The following PCYOX1L variants were observed in gnomAD, a reference collection of about 807,000 sequenced individuals.
PCYOX1L encodes the protein prenylcysteine oxidase 1-like.
A neutral mutation model predicts 44.1 loss-of-function variants in PCYOX1L; 40 were observed. The ratio of observed to expected loss-of-function variants is 0.91; its 90% CI spans 0.70 to 1.18. The LOEUF is 1.18. Among genes scored for constraint, PCYOX1L ranks in the 50% most tolerant of loss-of-function variants. PCYOX1L has a pLI of 0.00. For synonymous variants in PCYOX1L, 266 were observed against 282.8 expected, an observed-to-expected ratio of 0.94 and a Z score of 0.60; for missense variants, 605 against 653.3, an observed-to-expected ratio of 0.93 and a Z score of 0.81.
At chr5:149,364,262 T>G (rs1452187904) in intron 3 of PCYOX1L, 52 bp downstream of exon 3, 1 of 1,602,800 alleles carries the variant, frequency 6.2e-7, no homozygotes, top group Non-Finnish European at 8.5e-7. Context: ...CGAGAAGAGG[T>G]GGGGGAGGAA....
chr5:149,366,238 C>G, intron 4 of PCYOX1L, 85 bp downstream of exon 4: 1 of 1,370,750 alleles, frequency 7.3e-7, no homozygotes, highest in Non-Finnish European at 1.0e-6. Flanking sequence ...ATAATAACCT[C>G]ACTTTTATCC....
intron 1 of PCYOX1L, 98 bp downstream of exon 1, chr5:149,358,254 G>T: frequency 1.6e-6 from 2 of 1,271,822 alleles, no homozygotes; most frequent in Non-Finnish European, 2.0e-6. Context: ...GCGGCTGGGT[G>T]AGGGAGGGGT....
chr5:149,367,587 C>A, intron 5 of PCYOX1L, 87 bp downstream of exon 5: 1 of 1,549,010 alleles, frequency 6.5e-7, no homozygotes, highest in Non-Finnish European at 8.7e-7. Context: ...CAGCCCTGGT[C>A]TGTGATCCCC....
At chr5:149,360,960 ATTTAT>A (rs1757990503) in intron 1 of PCYOX1L, among the ~76,000 whole-genome samples, 1 of 152,316 alleles carries the variant, frequency 6.6e-6, no homozygotes, top group African/African-American at 2.4e-5. Context: ...ATTACACCAG[ATTTAT>A]TTAATTTTCT....
At position 149,366,007 on chromosome 5, in the gene PCYOX1L, G is replaced by A. The variant is rs1260433495; in HGVS notation, c.536G>A (p.Gly179Glu). The stretch of plus-strand genomic sequence containing the variant: ...GTGGAGGAGCTGCTCTACTCACTGG[G>A]GGAGTCCACCTTTGTTAACATGACC... ...SGVEELLYSL[G>E]ESTFVNMTQH... is the part of the protein sequence containing the mutation. Residue 179 changes from glycine (G) to glutamate (E), a missense_variant, in exon 4 of 6, where the codon GGG becomes GAG. By Grantham distance (98) the Gly-to-Glu change is moderately conservative. Coordinates refer to ENST00000274569, the MANE Select transcript of PCYOX1L (RefSeq NM_024028.4). The A allele has an allele frequency of 6.2e-7, 1 of 1,614,230 alleles. No individual in the cohort carries two copies. Among genetic ancestry groups the A allele is most frequent in the South Asian group, 1.1e-5 (1 of 91,082 alleles).
At position 149,368,084 on chromosome 5, in the gene PCYOX1L, C is replaced by G; in HGVS notation, c.915C>G (p.His305Gln). ...YDIVVIATPL[H>Q]LDNSSSNLTF... is the part of the protein sequence containing the mutation. Reference sequence around the variant, plus strand: ...TCGTGGTCATCGCCACCCCCCTGCACCTGGACAACAGCAGCAGCAACTTAA... The same window carrying G: ...TCGTGGTCATCGCCACCCCCCTGCAGCTGGACAACAGCAGCAGCAACTTAA... The change falls in exon 6 of 6, where the codon CAC becomes CAG. Residue 305 changes from histidine to glutamine, a missense_variant. By Grantham distance (24) the His-to-Gln change is conservative (BLOSUM62 0). Coordinates refer to ENST00000274569, the MANE Select transcript of PCYOX1L (RefSeq NM_024028.4). 1 of 1,610,288 alleles carries G rather than the reference C, an allele frequency of 6.2e-7. No individual in the cohort carries two copies. The highest frequency in any genetic ancestry group is 8.5e-7 in the Non-Finnish European group (1 of 1,178,002).
intron 3 of PCYOX1L, chr5:149,365,685 T>C (rs1758172819): frequency 1.8e-6 from 1 of 546,632 alleles, no homozygotes; most frequent in South Asian, 2.2e-5. Context: ...AGAGCAGTGA[T>C]ACAGTTGTTA....
chr5:149,367,849 T>G, intron 5 of PCYOX1L, 144 bp from the exon 6 acceptor site: 1 of 858,180 alleles, frequency 1.2e-6, no homozygotes, highest in Non-Finnish European at 1.8e-6. Flanking sequence ...CGCATCAGCA[T>G]GGAGAGGCCA....
chr5:149,369,372 G>T lies in PCYOX1L; in HGVS notation c.*718G>T, dbSNP rs985854954. On this transcript the variant is annotated 3_prime_UTR_variant, in exon 6 of 6. Transcript: ENST00000274569. ...GAGGGAAGCTCTTCCTTGGCACCTA[G>T]AGGAATTAGCCATTCTCTTCCTTAT... 2 of 152,194 alleles carry T rather than the reference G, an allele frequency of 1.3e-5. No individual in the cohort carries two copies. The highest frequency in any genetic ancestry group is 4.8e-5 in the African/African-American group (2 of 41,446). The allele number at this position is 152,194 out of a possible 1,614,324, so 9.4% of individuals were successfully genotyped here.
chr5:149,358,265 C>G (rs1168575191), intron 1 of PCYOX1L, 109 bp downstream of exon 1: 1 of 1,261,384 alleles, frequency 7.9e-7, no homozygotes, highest in East Asian at 3.3e-5. Flanking sequence ...AGGGAGGGGT[C>G]CTCGGAAAAG....
Position 149,368,032 on chromosome 5 carries a change from T to C in PCYOX1L, c.863T>C (p.Val288Ala). ...ALYQVAYENE[V>A]GNSSDFYDIV... The stretch of plus-strand genomic sequence containing the variant: ...TACCAGGTGGCGTATGAGAATGAGG[T>C]AGGCAACAGCTCTGACTTCTATGAC... The change falls in exon 6 of 6, where the codon GTA (valine) becomes GCA (alanine). Residue 288 changes from valine (V) to alanine (A), a missense_variant. Coordinates refer to ENST00000274569, the MANE Select transcript of PCYOX1L (RefSeq NM_024028.4). 6.4e-7 allele frequency: 1 copy of C among 1,559,590 alleles called. No homozygotes were observed. The highest frequency in any genetic ancestry group is 8.7e-7 in the Non-Finnish European group (1 of 1,156,008).
intron 2 of PCYOX1L, chr5:149,363,134 C>A: frequency 1.9e-6 from 1 of 524,566 alleles, no homozygotes. Context: ...CATGCTAGTG[C>A]TTGCCAGGCA....
Position 149,364,225 on chromosome 5 carries a change from G to C in PCYOX1L, c.470+15G>C, listed in dbSNP as rs750271383. ...AAGTTCATGAGGTAGGGCTGGCAGAGCTGTGGGGATGGCGTTCCAGGGGAA... is the reference window on the plus strand; with the variant it reads ...AAGTTCATGAGGTAGGGCTGGCAGACCTGTGGGGATGGCGTTCCAGGGGAA... On this transcript the variant is annotated intron_variant, in intron 3 of 5. Transcript: ENST00000274569. The C allele has an allele frequency of 1.3e-5, 21 of 1,613,222 alleles. No homozygotes were observed. The East Asian group carries it at 4.0e-4, about 31-fold the overall frequency.
intron 2 of PCYOX1L, 197 bp from the exon 3 acceptor site, chr5:149,363,839 A>C (rs1758103005): frequency 1.7e-6 from 1 of 595,288 alleles, no homozygotes; most frequent in African/African-American, 1.9e-5. Flanking sequence ...GTAAAATGTT[A>C]CATTATTTTC....
intron 1 of PCYOX1L, chr5:149,361,949 AAC>A (rs1758022118): frequency 6.8e-6 from 1 of 147,288 alleles, no homozygotes; most frequent in Admixed American, 6.6e-5. Context: ...AGTCTTGACA[AAC>A]ACAGACATAA....
chr5:149,365,955 C>G lies in PCYOX1L; in HGVS notation c.484C>G (p.Gln162Glu), dbSNP rs1758181519. The change falls in exon 4 of 6, where the codon CAG (glutamine) becomes GAG (glutamate). Residue 162 changes from glutamine (Q) to glutamate (E), a missense_variant. By Grantham distance (29) the Gln-to-Glu change is conservative. Coordinates refer to ENST00000274569, the MANE Select transcript of PCYOX1L (RefSeq NM_024028.4). Reference sequence around the variant, plus strand: ...TGTGTCTTCTAGGATCTATAAGTACCAGGCCCACGGCTATGCCTTCTCGGG... The same window carrying G: ...TGTGTCTTCTAGGATCTATAAGTACGAGGCCCACGGCTATGCCTTCTCGGG... ...MEKFMRIYKY[Q>E]AHGYAFSGVE... 1.9e-6 allele frequency: 3 copies of G among 1,614,072 alleles called. No homozygotes were observed. The highest frequency in any genetic ancestry group is 2.5e-6 in the Non-Finnish European group (3 of 1,180,028).
intron 3 of PCYOX1L, chr5:149,364,845 C>G (rs184661369): frequency 6.6e-6 from 1 of 152,476 alleles, no homozygotes; most frequent in Non-Finnish European, 1.5e-5. Context: ...GCTCCAGCCC[C>G]CTCCCCATCA....
intron 3 of PCYOX1L, 123 bp from the exon 4 acceptor site, chr5:149,365,819 C>A: frequency 3.6e-6 from 3 of 841,998 alleles, no homozygotes; most frequent in Non-Finnish European, 3.8e-6. Flanking sequence ...GCCTCTTCTG[C>A]CACCACTCCA....
At chr5:149,362,422 C>T (rs1358331975) in intron 1 of PCYOX1L, 14 of 551,076 alleles carry the variant, frequency 2.5e-5, no homozygotes, top group South Asian at 1.5e-4. Flanking sequence ...CTTTATGAAA[C>T]GAAAGTATAG....
Sources: gnomAD v4.1 joint callset for allele counts (sites outside exome capture counted in the v4.1 genomes callset) on GRCh38, gnomAD v4.1.1 for gene constraint, MANE v1.5 for transcripts, NCBI Gene and HGNC (gene_info 2026-07-23, HGNC 2026-07-21) for gene names.